Variants in GPBP1L1 observed in about 807,000 individuals in gnomAD.
GPBP1L1 encodes GC-rich promoter binding protein 1 like 1, also known as vasculin-like protein 1.
Under a neutral mutation model 52.5 loss-of-function variants are expected in GPBP1L1, and 23 were observed. The ratio of observed to expected loss-of-function variants is 0.44; its 90% CI spans 0.32 to 0.62. The LOEUF (loss-of-function observed/expected upper bound fraction) is 0.62. Ranked by LOEUF, GPBP1L1 falls within the 20% of genes least tolerant of loss-of-function variation. The pLI, the probability that GPBP1L1 is intolerant of heterozygous loss-of-function variation, is 0.06. For synonymous variants in GPBP1L1, 243 were observed against 203.1 expected, an observed-to-expected ratio of 1.20 and a Z score of -1.67; for missense variants, 596 against 579.3, an observed-to-expected ratio of 1.03 and a Z score of -0.30.
At chr1:45,662,887 C>G (rs551867336) in intron 2 of GPBP1L1, among the ~76,000 whole-genome samples, 2 of 151,886 alleles carry the variant, frequency 1.3e-5, no homozygotes, top group Admixed American at 6.6e-5. Context: ...CCCGTCACTA[C>G]TAAGAATACG....
At chr1:45,637,306 T>TAACATCTCATA (rs752105110) in intron 8 of GPBP1L1, among the ~76,000 whole-genome samples, 1 of 152,304 alleles carries the variant, frequency 6.6e-6, no homozygotes, top group Non-Finnish European at 1.5e-5. Context: ...ATCTTACCTC[T>TAACATCTCATA]TCCTCCCTCT....
intron 6 of GPBP1L1, chr1:45,651,296 C>T (rs1644816635): frequency 1.3e-5 from 5 of 391,608 alleles, no homozygotes; most frequent in Non-Finnish European, 2.0e-5. Context: ...GTAAGGGACC[C>T]CCATTTTACG....
intron 2 of GPBP1L1, among the ~76,000 whole-genome samples, chr1:45,679,530 T>C (rs1431631907): frequency 6.6e-6 from 1 of 152,266 alleles, no homozygotes; most frequent in East Asian, 1.9e-4. Flanking sequence ...CTATATGGTA[T>C]GTGTATGTGT....
intron 6 of GPBP1L1, among the ~76,000 whole-genome samples, chr1:45,652,085 G>A (rs927085936): frequency 3.9e-5 from 6 of 152,180 alleles, no homozygotes; most frequent in Non-Finnish European, 8.8e-5. Flanking sequence ...TCTGTTATGA[G>A]GCTGTCCAGT....
chr1:45,684,800 T>C (rs1331254556), intron 2 of GPBP1L1, among the ~76,000 whole-genome samples: 2 of 152,096 alleles, frequency 1.3e-5, no homozygotes, highest in Admixed American at 6.5e-5. Flanking sequence ...ACCAAAATAA[T>C]TTAACAACAA....
Position 45,633,475 on chromosome 1 carries a change from G to A in GPBP1L1, c.1044+14C>T, listed in dbSNP as rs768852006. On this transcript the variant is annotated intron_variant, in intron 10 of 12. Coordinates refer to ENST00000355105, the MANE Select transcript of GPBP1L1 (RefSeq NM_021639.5). ...AATTCCTAGGCTACCCCCAGAAAAG[G>A]CGGATGCTCTTACATCTTCCAGCTT... 6.2e-7 allele frequency: 1 copy of A among 1,611,916 alleles called. No homozygotes were observed. Among genetic ancestry groups the A allele is most frequent in the Admixed American group, 1.7e-5 (1 of 59,436 alleles).
intron 2 of GPBP1L1, among the ~76,000 whole-genome samples, chr1:45,682,137 AT>A (rs1351533884): frequency 6.6e-6 from 1 of 152,182 alleles, no homozygotes. Flanking sequence ...AAGTAGAAAA[AT>A]TTACTAACAG....
intron 6 of GPBP1L1, chr1:45,651,319 T>C (rs1270939041): frequency 5.3e-6 from 2 of 380,770 alleles, no homozygotes; most frequent in Admixed American, 3.5e-5. Flanking sequence ...ACAGGGCAGG[T>C]AGGAAGACAA....
intron 5 of GPBP1L1, 112 bp from the exon 6 acceptor site, chr1:45,654,941 A>C (rs1644866530): frequency 8.7e-7 from 1 of 1,145,004 alleles, no homozygotes; most frequent in Middle Eastern, 2.4e-4. Context: ...CACAAAAAAA[A>C]TAAAAAAATG....
intron 2 of GPBP1L1, among the ~76,000 whole-genome samples, chr1:45,666,436 G>A (rs1222868245): frequency 6.6e-6 from 1 of 152,040 alleles, no homozygotes. Context: ...GTGAGCCACC[G>A]CGCTCGGCCT....
intron 2 of GPBP1L1, among the ~76,000 whole-genome samples, chr1:45,684,608 A>G (rs2148529729): frequency 6.6e-6 from 1 of 152,164 alleles, no homozygotes; most frequent in South Asian, 2.1e-4. Context: ...ACCACAAATC[A>G]AGAGCTCTGA....
intron 8 of GPBP1L1, among the ~76,000 whole-genome samples, chr1:45,635,938 A>G (rs1644588507): frequency 6.6e-6 from 1 of 152,260 alleles, no homozygotes; most frequent in South Asian, 2.1e-4. Flanking sequence ...AAATTAGGAG[A>G]AAAAGGCCAG....
At chr1:45,648,097 TC>T (rs1644774557) in intron 6 of GPBP1L1, among the ~76,000 whole-genome samples, 1 of 151,944 alleles carries the variant, frequency 6.6e-6, no homozygotes, top group Non-Finnish European at 1.5e-5. Flanking sequence ...ACCCACCACG[TC>T]CAGCTAATTT....
chr1:45,652,467 T>G (rs1318141232), intron 6 of GPBP1L1, among the ~76,000 whole-genome samples: 2 of 152,242 alleles, frequency 1.3e-5, no homozygotes, highest in African/African-American at 4.8e-5. Flanking sequence ...ACTTCTACTT[T>G]ACTCCACACT....
chr1:45,660,443 T>A lies in GPBP1L1; in HGVS notation c.-315A>T. 2.0e-6 allele frequency: 2 copies of A among 977,236 alleles called. No individual in the cohort carries two copies. Among genetic ancestry groups the A allele is most frequent in the Non-Finnish European group, 1.2e-6 (1 of 823,146 alleles). 60.5% of individuals were successfully genotyped at this position (977,236 alleles called of 1,614,324 possible). Reference sequence around the variant, plus strand: ...GGGGAAGGGGAACATAAAAAGTATTTGTTACATTTAAAAAGGGGGGGAAGG... The same window carrying A: ...GGGGAAGGGGAACATAAAAAGTATTAGTTACATTTAAAAAGGGGGGGAAGG... On this transcript the variant is annotated 5_prime_UTR_variant, in exon 3 of 13. Transcript: ENST00000355105.
intron 8 of GPBP1L1, 51 bp from the exon 9 acceptor site, chr1:45,634,287 C>G (rs2148424689): frequency 6.6e-7 from 1 of 1,514,048 alleles, no homozygotes. Context: ...CAAACAGAAG[C>G]TCAGCTTATA....
At chr1:45,653,702 CTT>C (rs143229482) in intron 6 of GPBP1L1, among the ~76,000 whole-genome samples, 7 of 143,072 alleles carry the variant, frequency 4.9e-5, no homozygotes, top group Admixed American at 1.4e-4. Context: ...TCTTTTTTTT[CTT>C]TTTTTTTTTT....
At chr1:45,666,392 C>G (rs569414807) in intron 2 of GPBP1L1, among the ~76,000 whole-genome samples, 7 of 152,048 alleles carry the variant, frequency 4.6e-5, no homozygotes, top group Admixed American at 2.0e-4. Context: ...GTGATCCGCC[C>G]GCCTCGGCCT....
chr1:45,633,361 T>TA (rs1644554435), intron 10 of GPBP1L1, 128 bp downstream of exon 10: 1 of 926,588 alleles, frequency 1.1e-6, no homozygotes, highest in South Asian at 1.7e-5. Flanking sequence ...AGAAGGCAGT[T>TA]ACACCTACAG....
Sources: allele counts gnomAD v4.1 joint callset (sites outside exome capture counted in the v4.1 genomes callset), GRCh38; gene constraint gnomAD v4.1.1; transcripts MANE v1.5; gene names NCBI Gene and HGNC (gene_info 2026-07-23, HGNC 2026-07-21).